STAP1: variants seen among roughly 807,000 people sequenced by gnomAD.
STAP1 encodes signal transducing adaptor family member 1.
STAP1 carries 30 observed loss-of-function variants against 37.8 expected under a neutral mutation model. That is an observed-to-expected ratio of 0.79 (90% CI 0.59 to 1.08). The LOEUF is 1.08. Among genes scored for constraint, STAP1 ranks in the 50% least tolerant of loss-of-function variants. The pLI is 0.00. For synonymous variants in STAP1, 130 were observed against 116.0 expected (o/e 1.12, Z -0.78); for missense variants, 357 against 349.4 (o/e 1.02, Z -0.17).
intron 6 of STAP1, among the ~76,000 whole-genome samples, chr4:67,588,039 T>TAAAAAAAAAAAAA: frequency 2.3e-5 from 2 of 85,636 alleles, no homozygotes; most frequent in Non-Finnish European, 4.2e-5. Flanking sequence ...CACATTTTCT[T>TAAAAAAAAAAAAA]AAAAAAAAAA....
intron 6 of STAP1, among the ~76,000 whole-genome samples, chr4:67,588,461 G>C (rs1186222080): frequency 6.6e-6 from 1 of 152,026 alleles, no homozygotes; most frequent in African/African-American, 2.4e-5. Context: ...ACAGGCTGGA[G>C]TACAGTGGTG....
At chr4:67,596,117 G>C (rs1383900596) in intron 8 of STAP1, among the ~76,000 whole-genome samples, 1 of 151,662 alleles carries the variant, frequency 6.6e-6, no homozygotes, top group Non-Finnish European at 1.5e-5. Flanking sequence ...CAAATGTTGA[G>C]GTAGGGACCT....
chr4:67,585,747 A>G (rs956071282), intron 6 of STAP1, among the ~76,000 whole-genome samples: 1 of 152,234 alleles, frequency 6.6e-6, no homozygotes, highest in African/African-American at 2.4e-5. Flanking sequence ...TACAAATCCA[A>G]AAGAAATCAT....
intron 6 of STAP1, among the ~76,000 whole-genome samples, chr4:67,589,860 A>G (rs1041188432): frequency 3.3e-5 from 5 of 151,732 alleles, no homozygotes; most frequent in Non-Finnish European, 7.4e-5. Flanking sequence ...GCTAGAATGC[A>G]GCGGCACCAT....
Position 67,606,622 on chromosome 4 carries a change from CAT to C in STAP1, c.*267_*268del, listed in dbSNP as rs1728454907. Reference sequence around the variant, plus strand: ...CATGCACTGACATAAGTTGAAAACACATAGTACTTTCTAGATGGAATTTTTTT... The same window carrying C: ...CATGCACTGACATAAGTTGAAAACACAGTACTTTCTAGATGGAATTTTTTT... On this transcript the variant is annotated 3_prime_UTR_variant, in exon 9 of 9. Transcript: ENST00000265404. The C allele has an allele frequency of 1.4e-5, 4 of 292,014 alleles. No homozygotes were observed. The highest frequency in any genetic ancestry group is 2.5e-5 in the Non-Finnish European group (4 of 159,260). 18.1% of individuals were successfully genotyped at this position (292,014 alleles called of 1,614,324 possible).
At chr4:67,562,208 G>A (rs914708182) in intron 1 of STAP1, among the ~76,000 whole-genome samples, 4 of 151,388 alleles carry the variant, frequency 2.6e-5, no homozygotes, top group African/African-American at 9.7e-5. Context: ...AACAGTGTGT[G>A]TGGGCCGGGC....
intron 8 of STAP1, among the ~76,000 whole-genome samples, chr4:67,598,195 ACT>A (rs1357741231): frequency 6.6e-6 from 1 of 151,832 alleles, no homozygotes; most frequent in Non-Finnish European, 1.5e-5. Flanking sequence ...TTTCCCTTGC[ACT>A]CTCTTTTTCT....
At chr4:67,593,460 T>A in intron 8 of STAP1, 104 bp downstream of exon 8, 1 of 762,954 alleles carries the variant, frequency 1.3e-6, no homozygotes, top group Non-Finnish European at 2.2e-6. Flanking sequence ...GCAGGAACTG[T>A]AGTTCAGTCT....
At chr4:67,581,588 T>C (rs1289230754) in intron 5 of STAP1, 117 bp downstream of exon 5, 1 of 1,115,266 alleles carries the variant, frequency 9.0e-7, no homozygotes, top group Non-Finnish European at 1.3e-6. Context: ...GTCTTGGGGA[T>C]AAACTGTATA....
chr4:67,563,249 C>A (rs1343976971), intron 1 of STAP1, among the ~76,000 whole-genome samples: 1 of 152,214 alleles, frequency 6.6e-6, no homozygotes, highest in African/African-American at 2.4e-5. Flanking sequence ...TACTCTCTTG[C>A]ATAGCTGAAT....
chr4:67,602,949 C>T (rs1034278924), intron 8 of STAP1, among the ~76,000 whole-genome samples: 5 of 152,138 alleles, frequency 3.3e-5, no homozygotes, highest in African/African-American at 1.2e-4. Flanking sequence ...TCCAGCCAAG[C>T]TTGTGTCCTT....
chr4:67,583,628 T>C lies in STAP1; in HGVS notation c.585T>C (p.Pro195=), dbSNP rs772146714. 6.2e-7 allele frequency: 1 copy of C among 1,614,070 alleles called. No individual in the cohort carries two copies. Among genetic ancestry groups the C allele is most frequent in the South Asian group, 1.1e-5 (1 of 91,080 alleles). ...CAACTGAGATGCTCCAGAAGAACCC[T>C]TCTTTGGGAAATATGATCCTGAGGC... ...KEATEMLQKN[P]SLGNMILRPG... is the part of the protein sequence containing the mutation. The change falls in exon 6 of 9, where the codon CCT becomes CCC. Residue 195 remains proline (P), a synonymous_variant. Coordinates refer to ENST00000265404, the MANE Select transcript of STAP1 (RefSeq NM_012108.4).
chr4:67,602,198 T>G (rs1728358148), intron 8 of STAP1, among the ~76,000 whole-genome samples: 1 of 152,040 alleles, frequency 6.6e-6, no homozygotes, highest in Non-Finnish European at 1.5e-5. Flanking sequence ...CTTTAAAAAA[T>G]TATTTCAATC....
Position 67,606,504 on chromosome 4 carries a change from C to T in STAP1, c.*147C>T, listed in dbSNP as rs1406518279. The T allele has an allele frequency of 1.2e-5, 8 of 669,638 alleles. No homozygotes were observed. The highest frequency in any genetic ancestry group is 1.9e-5 in the Non-Finnish European group (8 of 411,926). 41.5% of individuals were successfully genotyped at this position (669,638 alleles called of 1,614,324 possible). A position where few individuals can be genotyped will look rare whatever the true frequency, so the allele number is the denominator to read the frequency against. On this transcript the variant is annotated 3_prime_UTR_variant, in exon 9 of 9. Transcript: ENST00000265404. ...ACCAGAATTAGAATTAAACATTGTACCATACAATTTCATTATCTTATCAGA... is the reference window on the plus strand; with the variant it reads ...ACCAGAATTAGAATTAAACATTGTATCATACAATTTCATTATCTTATCAGA...
chr4:67,578,665 T>C (rs1423055757), intron 4 of STAP1, among the ~76,000 whole-genome samples: 1 of 152,114 alleles, frequency 6.6e-6, no homozygotes, highest in Non-Finnish European at 1.5e-5. Context: ...CACTAAAAAC[T>C]CTGGCAAAAA....
intron 8 of STAP1, among the ~76,000 whole-genome samples, chr4:67,595,670 T>C (rs1728208963): frequency 6.6e-6 from 1 of 152,258 alleles, no homozygotes; most frequent in South Asian, 2.1e-4. Context: ...ACTATTACTA[T>C]AACTTCGTAG....
chr4:67,596,991 A>G (rs1728239413), intron 8 of STAP1, among the ~76,000 whole-genome samples: 1 of 152,238 alleles, frequency 6.6e-6, no homozygotes, highest in Non-Finnish European at 1.5e-5. Flanking sequence ...CAAGAAGCCA[A>G]ATGTTAATCA....
intron 5 of STAP1, among the ~76,000 whole-genome samples, chr4:67,583,195 A>G (rs1328427174): frequency 6.6e-6 from 1 of 152,220 alleles, no homozygotes. Flanking sequence ...AAACATTTAC[A>G]GATGTTTTGT....
At chr4:67,601,657 C>CAT (rs1728344765) in intron 8 of STAP1, among the ~76,000 whole-genome samples, 1 of 152,194 alleles carries the variant, frequency 6.6e-6, no homozygotes, top group South Asian at 2.1e-4. Context: ...GCCGTCTGCA[C>CAT]ATTAAATATG....
Sources: gnomAD v4.1 joint callset for allele counts (sites outside exome capture counted in the v4.1 genomes callset) on GRCh38, gnomAD v4.1.1 for gene constraint, MANE v1.5 for transcripts, NCBI Gene and HGNC (gene_info 2026-07-23, HGNC 2026-07-21) for gene names.